SNRNP48: variants seen among roughly 807,000 people sequenced by gnomAD.
SNRNP48 encodes U11/U12 small nuclear ribonucleoprotein 48 kDa protein.
SNRNP48 carries 43 observed loss-of-function variants against 47.0 expected under a neutral mutation model. That is an observed-to-expected ratio of 0.92 (90% confidence interval 0.72 to 1.18). SNRNP48 has a LOEUF of 1.18. Ranked by LOEUF, SNRNP48 falls within the 50% of genes most tolerant of loss-of-function variation. The pLI is 0.00. For synonymous variants in SNRNP48, 138 were observed against 144.0 expected (o/e 0.96, Z 0.30); for missense variants, 396 against 422.2 (o/e 0.94, Z 0.54).
rs186810499 is a variant in SNRNP48 at position 7,599,151 on chromosome 6, G to A, written c.407-2185G>A. 1.0e-3 allele frequency among the ~76,000 whole-genome samples: 155 copies of A among 152,244 alleles called. 2 individuals are homozygous for A. Among genetic ancestry groups the A allele is most frequent in the African/African-American group, 3.7e-3 (153 of 41,556 alleles). ...TAATTTCTTTATCTGTAACGTTAAG[G>A]AATTGACTCTGAATGAATTCTCCCT... On this transcript the variant is annotated intron_variant, in intron 4 of 8. Transcript: ENST00000342415.
chr6:7,605,570 T>A, intron 7 of SNRNP48, 84 bp downstream of exon 7: 1 of 1,286,234 alleles, frequency 7.8e-7, no homozygotes, highest in South Asian at 1.3e-5. Context: ...TTTTAGCATT[T>A]CCAAAACCCT....
At chr6:7,594,948 G>A in intron 3 of SNRNP48, 79 bp from the exon 4 acceptor site, 3 of 1,251,404 alleles carry the variant, frequency 2.4e-6, no homozygotes, top group Non-Finnish European at 3.4e-6. Flanking sequence ...CAAAGGGCTT[G>A]GATCAGAAAC....
intron 8 of SNRNP48, among the ~76,000 whole-genome samples, chr6:7,607,258 C>T (rs925687022): frequency 2.0e-5 from 3 of 152,200 alleles, no homozygotes; most frequent in African/African-American, 7.2e-5. Context: ...GTTGAGGCTG[C>T]AGTGAGCCGT....
At position 7,590,420 on chromosome 6, in the gene SNRNP48, A is replaced by G. The variant is rs2744384; in HGVS notation, c.156+7A>G. 739,908 of 1,291,182 alleles carry G rather than the reference A, an allele frequency of 0.57. 214,307 individuals are homozygous for G. Among genetic ancestry groups the G allele is most frequent in the Middle Eastern group, 0.64 (3,137 of 4,890 alleles). 80.0% of individuals were successfully genotyped at this position (1,291,182 alleles called of 1,614,324 possible). A position where few individuals can be genotyped will look rare whatever the true frequency, so the allele number is the denominator to read the frequency against. ...GGAAGAGGAGGCGGCGGAGGTGAGG[A>G]GCGCGGCCGCGGGGCCCTTTCGGGG... On this transcript the variant is annotated splice_region_variant and intron_variant, in intron 1 of 8. Transcript: ENST00000342415.
intron 8 of SNRNP48, among the ~76,000 whole-genome samples, chr6:7,606,932 G>C (rs972860171): frequency 6.6e-6 from 1 of 152,158 alleles, no homozygotes; most frequent in South Asian, 2.1e-4. Context: ...TGAAATGATG[G>C]TCATTTTCCT....
chr6:7,599,875 T>A (rs1581836716), intron 4 of SNRNP48: 3 of 1,026,402 alleles, frequency 2.9e-6, no homozygotes, highest in East Asian at 1.5e-4. Context: ...CATAAAGAAA[T>A]TTAAGATGAA....
intron 1 of SNRNP48, 89 bp from the exon 2 acceptor site, chr6:7,593,645 G>A: frequency 1.2e-6 from 1 of 802,074 alleles, no homozygotes; most frequent in Admixed American, 2.9e-5. Flanking sequence ...ATACAGTACT[G>A]GTACATAATT....
chr6:7,596,067 C>G (rs1759899573), intron 4 of SNRNP48, among the ~76,000 whole-genome samples: 2 of 152,136 alleles, frequency 1.3e-5, no homozygotes, highest in Non-Finnish European at 2.9e-5. Context: ...AGTTCAAGAC[C>G]ACCCTGGCCA....
At position 7,599,863 on chromosome 6, in the gene SNRNP48, A is replaced by C; in HGVS notation, c.407-1473A>C. ...ACAAGGAATTTAAGTATCAGTCTTCATCATAAAGAAATTTAAGATGAATAA... is the reference window on the plus strand; with the variant it reads ...ACAAGGAATTTAAGTATCAGTCTTCCTCATAAAGAAATTTAAGATGAATAA... On this transcript the variant is annotated intron_variant, in intron 4 of 8. Transcript: ENST00000342415. 8 of 1,061,528 alleles carry C rather than the reference A, an allele frequency of 7.5e-6. No homozygotes were observed. In the South Asian group the frequency reaches 1.7e-4, roughly 22 times the overall value. The allele number at this position is 1,061,528 out of a possible 1,614,324, so 65.8% of individuals were successfully genotyped here. A position where few individuals can be genotyped will look rare whatever the true frequency, so the allele number is the denominator to read the frequency against.
At chr6:7,597,889 G>A (rs1271368245) in intron 4 of SNRNP48, among the ~76,000 whole-genome samples, 21 of 140,916 alleles carry the variant, frequency 1.5e-4, no homozygotes, top group African/African-American at 2.1e-4. Context: ...TTTTTGAGGC[G>A]GAATCTTGCT....
At chr6:7,604,015 A>T (rs1295871908) in intron 6 of SNRNP48, among the ~76,000 whole-genome samples, 1 of 152,252 alleles carries the variant, frequency 6.6e-6, no homozygotes. Flanking sequence ...ATTGAAATAA[A>T]AGATTGGCAA....
Position 7,611,516 on chromosome 6 carries a change from G to A in SNRNP48, c.*2643G>A, listed in dbSNP as rs529338209. ...CAAGTCAACTGCCATGCAGAGCCCA[G>A]GGCACTGGTTATATTCAGTAGGAAA... On this transcript the variant is annotated 3_prime_UTR_variant, in exon 9 of 9. Transcript: ENST00000342415. 6.6e-6 allele frequency: 1 copy of A among 152,262 alleles called. No individual in the cohort carries two copies. Among genetic ancestry groups the A allele is most frequent in the African/African-American group, 2.4e-5 (1 of 41,552 alleles). 9.4% of individuals were successfully genotyped at this position (152,262 alleles called of 1,614,324 possible).
Position 7,605,494 on chromosome 6 carries a change from A to T in SNRNP48, c.806+8A>T. 1 of 1,608,948 alleles carries T rather than the reference A, an allele frequency of 6.2e-7. No homozygotes were observed. The highest frequency in any genetic ancestry group is 8.5e-7 in the Non-Finnish European group (1 of 1,175,622). ...AGAGGATGATGCCGAAAAGTACGTCATTATCTTTATTGGTGAAAATACTCT... is the reference window on the plus strand; with the variant it reads ...AGAGGATGATGCCGAAAAGTACGTCTTTATCTTTATTGGTGAAAATACTCT... On this transcript the variant is annotated splice_region_variant and intron_variant, in intron 7 of 8. Coordinates refer to ENST00000342415, the MANE Select transcript of SNRNP48 (RefSeq NM_152551.4).
At chr6:7,593,682 T>C (rs754436731) in intron 1 of SNRNP48, 52 bp from the exon 2 acceptor site, 31 of 1,139,470 alleles carry the variant, frequency 2.7e-5, no homozygotes, top group Non-Finnish European at 3.6e-5. Context: ...ATGGTAATTA[T>C]TTATTTAAAT....
At chr6:7,608,419 T>A (rs1042180332) in intron 8 of SNRNP48, among the ~76,000 whole-genome samples, 7 of 151,874 alleles carry the variant, frequency 4.6e-5, no homozygotes, top group Admixed American at 4.6e-4. Flanking sequence ...TAGCCAGGTG[T>A]GGTGGTTCGC....
intron 6 of SNRNP48, among the ~76,000 whole-genome samples, chr6:7,605,038 ACT>A (rs1358149354): frequency 6.6e-6 from 1 of 150,800 alleles, no homozygotes; most frequent in Admixed American, 6.6e-5. Context: ...CACATTTTTC[ACT>A]CTCTCGATCT....
At chr6:7,598,452 G>A (rs911416493) in intron 4 of SNRNP48, among the ~76,000 whole-genome samples, 1 of 151,962 alleles carries the variant, frequency 6.6e-6, no homozygotes, top group Non-Finnish European at 1.5e-5. Flanking sequence ...CCAAGATGGC[G>A]CCACTGCACT....
At chr6:7,591,400 A>C (rs550817606) in intron 1 of SNRNP48, among the ~76,000 whole-genome samples, 4 of 152,166 alleles carry the variant, frequency 2.6e-5, no homozygotes, top group Non-Finnish European at 5.9e-5. Flanking sequence ...GGGGTAATTC[A>C]TTATCTTTAC....
chr6:7,601,342 A>T lies in SNRNP48; in HGVS notation c.413A>T (p.Tyr138Phe), dbSNP rs992944793. 3 of 1,565,256 alleles carry T rather than the reference A, an allele frequency of 1.9e-6. No homozygotes were observed. ...GATTTTATTTTTACTTTAGGAATTT[A>T]TTCTTCATTGCCTGTTGAAGTTCCT... ...KDSDCYNQRI[Y>F]SSLPVEVPLN... The change falls in exon 5 of 9, where the codon TAT (tyrosine) becomes TTT (phenylalanine). Residue 138 changes from tyrosine to phenylalanine, a missense_variant. Physicochemically the swap from Tyr to Phe is conservative, Grantham distance 22 (BLOSUM62 3). Coordinates refer to ENST00000342415, the MANE Select transcript of SNRNP48 (RefSeq NM_152551.4).
Sources: allele counts gnomAD v4.1 joint callset (sites outside exome capture counted in the v4.1 genomes callset), GRCh38; gene constraint gnomAD v4.1.1; transcripts MANE v1.5; gene names NCBI Gene and HGNC (gene_info 2026-07-23, HGNC 2026-07-21).